Variants in CDK13 observed in about 807,000 individuals in gnomAD.
CDK13 encodes cyclin dependent kinase 13, also known as cyclin-dependent kinase 13.
A neutral mutation model predicts 137.6 loss-of-function variants in CDK13; 40 were observed. The ratio of observed to expected loss-of-function variants is 0.29; its 90% confidence interval spans 0.23 to 0.38. CDK13 has a LOEUF of 0.38. Ranked by LOEUF, CDK13 falls within the 10% of genes least tolerant of loss-of-function variation. The pLI is 1.00. For missense variants in CDK13, 1,704 were observed against 1,951.8 expected, an observed-to-expected ratio of 0.87 and a Z score of 2.39; for synonymous variants, 869 against 760.1, an observed-to-expected ratio of 1.14 and a Z score of -2.36.
intron 7 of CDK13, among the ~76,000 whole-genome samples, chr7:40,058,658 C>T (rs993306767): frequency 6.6e-6 from 1 of 152,030 alleles, no homozygotes; most frequent in Non-Finnish European, 1.5e-5. Flanking sequence ...AGAATAATGG[C>T]TTGGACTAGG....
Position 39,987,868 on chromosome 7 carries a change from C to T in CDK13, c.1481C>T (p.Thr494Ile), listed in dbSNP as rs761098344. 13 of 1,614,244 alleles carry T rather than the reference C, an allele frequency of 8.1e-6. 1 individual carries two copies. In the South Asian group the frequency reaches 8.8e-5, roughly 11 times the overall value. The change falls in exon 2 of 14, where the codon ACA becomes ATA. Residue 494 changes from threonine to isoleucine, a missense_variant. Coordinates refer to ENST00000181839, the MANE Select transcript of CDK13 (RefSeq NM_003718.5). ...GCTGCAAAAGCTTCAAACACTTCTA[C>T]ACCTACCAAGGGGAACACGGAAACT... Reference protein sequence around the residue: ...AKAAKASNTSTPTKGNTETSA... With the variant: ...AKAAKASNTSIPTKGNTETSA...
At position 40,095,546 on chromosome 7, in the gene CDK13, TA is replaced by T. The variant is rs35644284; in HGVS notation, c.*577del. On this transcript the variant is annotated 3_prime_UTR_variant, in exon 14 of 14. Transcript: ENST00000181839. ...CCTTTCTCTTGATGCAACAGTTTTA[TA>T]AAAAAAAAAATGGTCAACGTTATTT... 6.7e-5 allele frequency: 10 copies of T among 149,430 alleles called. No individual in the cohort carries two copies. Among genetic ancestry groups the T allele is most frequent in the East Asian group, 2.0e-4 (1 of 5,082 alleles). 9.3% of individuals were successfully genotyped at this position (149,430 alleles called of 1,614,324 possible). A position where few individuals can be genotyped will look rare whatever the true frequency, so the allele number is the denominator to read the frequency against.
intron 11 of CDK13, 74 bp downstream of exon 11, chr7:40,078,925 TATATA>T: frequency 5.9e-6 from 3 of 508,760 alleles, no homozygotes; most frequent in Non-Finnish European, 8.2e-6. Flanking sequence ...TTTAATAACA[TATATA>T]ATAAGATATT....
chr7:39,972,053 C>T (rs979039461), intron 1 of CDK13, among the ~76,000 whole-genome samples: 1 of 152,212 alleles, frequency 6.6e-6, no homozygotes, highest in Non-Finnish European at 1.5e-5. Flanking sequence ...CTCCCTTCTA[C>T]TCTTCTCACC....
At position 40,093,112 on chromosome 7, in the gene CDK13, C is replaced by G; in HGVS notation, c.3563C>G (p.Thr1188Ser). 6.2e-6 allele frequency: 10 copies of G among 1,614,136 alleles called. No homozygotes were observed. Among genetic ancestry groups the G allele is most frequent in the Non-Finnish European group, 8.5e-6 (10 of 1,180,018 alleles). The change falls in exon 13 of 14, where the codon ACT (threonine) becomes AGT (serine). Residue 1188 changes from threonine (T) to serine (S), a missense_variant. Around this residue, in one of 5 missense-constraint regions of CDK13, gnomAD observed 475 missense variants for 579.3 expected, o/e 0.82. Transcript: ENST00000181839. Reference protein sequence around the residue: ...AVQSAFAVLLTQLIKAQQSKQ... With the variant: ...AVQSAFAVLLSQLIKAQQSKQ... Reference sequence around the variant, plus strand: ...CAGAGTGCATTTGCAGTTCTGTTGACTCAGTTAATAAAGGCTCAGCAGTCA... The same window carrying G: ...CAGAGTGCATTTGCAGTTCTGTTGAGTCAGTTAATAAAGGCTCAGCAGTCA...
chr7:39,976,323 T>TCACACACACACACACACACACACACACA (rs764395925), intron 1 of CDK13, among the ~76,000 whole-genome samples: 2 of 39,584 alleles, frequency 5.1e-5, no homozygotes, highest in Non-Finnish European at 1.2e-4. Flanking sequence ...TCTCTCTCTC[T>TCACACACACACACACACACACACACACA]CACACACACA....
chr7:40,072,734 T>G (rs1307332523), intron 9 of CDK13: 1 of 152,208 alleles, frequency 6.6e-6, no homozygotes, highest in Admixed American at 6.5e-5. Context: ...ATGTACAACA[T>G]CTAACTTAAC....
intron 9 of CDK13, chr7:40,069,283 G>T (rs188683201): frequency 2.2e-6 from 1 of 448,412 alleles, no homozygotes; most frequent in Admixed American, 2.6e-5. Flanking sequence ...CTTCAATTTT[G>T]ATTTCATAGC....
chr7:40,033,445 G>C (rs1082027), intron 5 of CDK13, among the ~76,000 whole-genome samples: 1 of 152,230 alleles, frequency 6.6e-6, no homozygotes, highest in African/African-American at 2.4e-5. Flanking sequence ...GTGTTTTAGC[G>C]TGCTTTAAAA....
chr7:39,972,046 C>T (rs1028359738), intron 1 of CDK13, among the ~76,000 whole-genome samples: 1 of 152,162 alleles, frequency 6.6e-6, no homozygotes, highest in African/African-American at 2.4e-5. Flanking sequence ...TACTGAGCTC[C>T]CTTCTACTCT....
chr7:40,088,911 C>G (rs1471655648), intron 12 of CDK13, among the ~76,000 whole-genome samples: 1 of 152,076 alleles, frequency 6.6e-6, no homozygotes, highest in Non-Finnish European at 1.5e-5. Flanking sequence ...GAAACCCCGT[C>G]TCTACTAAAA....
chr7:39,968,816 T>A (rs774622617), intron 1 of CDK13, among the ~76,000 whole-genome samples: 2 of 152,226 alleles, frequency 1.3e-5, no homozygotes, highest in Non-Finnish European at 2.9e-5. Flanking sequence ...TTCCACTGAA[T>A]CAGAGTCTTG....
In CDK13 at chr7:39,981,386, T is replaced by A. The variant is rs532954786; in HGVS notation, c.1212-6213T>A. The stretch of plus-strand genomic sequence containing the variant: ...ACCCTGTCTTAAAAAAAAAAAAAAT[T>A]ATCTATTAAACAAGGAGGTTGGACC... On this transcript the variant is annotated intron_variant, in intron 1 of 13. Coordinates refer to ENST00000181839, the MANE Select transcript of CDK13 (RefSeq NM_003718.5). Among the ~76,000 whole-genome samples, 458 of 136,240 alleles carry A rather than the reference T, an allele frequency of 3.4e-3. 2 individuals are homozygous for A. Among genetic ancestry groups the A allele is most frequent in the Non-Finnish European group, 5.5e-3 (369 of 67,458 alleles). The allele number at this position is 136,240 out of a possible 152,430, so 89.4% of individuals were successfully genotyped here.
chr7:40,009,484 G>A (rs76385725), intron 5 of CDK13, among the ~76,000 whole-genome samples: 5,983 of 152,256 alleles, frequency 0.039, 346 homozygotes, highest in African/African-American at 0.13. Context: ...AAGAATTGAG[G>A]ACAAAAGTCT....
At chr7:40,055,147 G>T (rs1785984614) in intron 7 of CDK13, among the ~76,000 whole-genome samples, 1 of 143,890 alleles carries the variant, frequency 6.9e-6, no homozygotes, top group Admixed American at 6.9e-5. Flanking sequence ...CAATTTAATG[G>T]CAGAAGGACT....
At chr7:40,074,884 C>T (rs1273509558) in intron 9 of CDK13, among the ~76,000 whole-genome samples, 1 of 151,030 alleles carries the variant, frequency 6.6e-6, no homozygotes, top group African/African-American at 2.4e-5. Context: ...CACAAAATCT[C>T]ACTGAAAATA....
chr7:39,951,421 C>T lies in CDK13; in HGVS notation c.780C>T (p.Ser260=), dbSNP rs1184279687. ...GCAGCAGCGGCGGCCGCCGGAAAAG[C>T]GCTTCGGCCACATCCAGCAGCAGTA... ...SSSSSGGRRK[S]ASATSSSSSS... The change falls in exon 1 of 14, where the codon AGC becomes AGT. Residue 260 remains serine (S), a synonymous_variant. Coordinates refer to ENST00000181839, the MANE Select transcript of CDK13 (RefSeq NM_003718.5). The T allele has an allele frequency of 2.0e-6, 3 of 1,527,642 alleles. No homozygotes were observed. The highest frequency in any genetic ancestry group is 1.8e-4 in the Middle Eastern group (1 of 5,640). The allele number at this position is 1,527,642 out of a possible 1,614,324, so 94.6% of individuals were successfully genotyped here.
chr7:40,059,555 T>C (rs1156253126), intron 7 of CDK13, among the ~76,000 whole-genome samples: 4 of 152,122 alleles, frequency 2.6e-5, no homozygotes, highest in African/African-American at 9.7e-5. Flanking sequence ...GATGGAGTTT[T>C]ACCATCTTGG....
chr7:39,973,707 T>C (rs1784048585), intron 1 of CDK13, among the ~76,000 whole-genome samples: 1 of 152,240 alleles, frequency 6.6e-6, no homozygotes, highest in Non-Finnish European at 1.5e-5. Context: ...CATTTTCTTC[T>C]AAAAATTTTA....
Sources: gnomAD v4.1 joint callset for allele counts (sites outside exome capture counted in the v4.1 genomes callset) on GRCh38, gnomAD v4.1.1 for gene constraint, gnomAD v4.1.1 regional missense constraint, MANE v1.5 for transcripts, NCBI Gene and HGNC (gene_info 2026-07-23, HGNC 2026-07-21) for gene names.